The following DLC1 variants were observed in gnomAD, a reference collection of about 807,000 sequenced individuals.
DLC1 encodes DLC1 Rho GTPase activating protein, also known as rho GTPase-activating protein 7.
In DLC1, 54 loss-of-function variants were observed where a neutral mutation model predicts 140.3. That is an observed-to-expected ratio of 0.38 (90% CI 0.31 to 0.48). The LOEUF (loss-of-function observed/expected upper bound fraction) is 0.48, where lower values mean the gene tolerates loss of function less well. Ranked by LOEUF, DLC1 falls within the 20% of genes least tolerant of loss-of-function variation. DLC1 has a pLI of 0.96. For synonymous variants in DLC1, 986 were observed against 728.1 expected, an observed-to-expected ratio of 1.35 and a Z score of -5.70; for missense variants, 2,536 against 1,907.0, an observed-to-expected ratio of 1.33 and a Z score of -6.14.
chr8:13,392,151 A>G (rs918182412), intron 4 of DLC1, among the ~76,000 whole-genome samples: 2 of 152,188 alleles, frequency 1.3e-5, no homozygotes, highest in African/African-American at 4.8e-5. Context: ...ATCATTGTGC[A>G]GTATCTTTCT....
chr8:13,534,616 A>T lies in DLC1; in HGVS notation c.-125-34420T>A, dbSNP rs1015448606. Among the ~76,000 whole-genome samples the T allele has an allele frequency of 5.9e-5, 9 of 152,234 alleles. 1 individual carries two copies. The Middle Eastern group carries it at 0.014, about 230-fold the overall frequency. ...ACCCTAAGTGGAAGTTAAGGTACTG[A>T]TCTCTAGGAAAAGCGCCACTGCTCC... On this transcript the variant is annotated intron_variant, in intron 1 of 1. Transcript: ENST00000631382.
At chr8:13,494,236 C>T (rs972490885) in intron 2 of DLC1, among the ~76,000 whole-genome samples, 2 of 152,096 alleles carry the variant, frequency 1.3e-5, no homozygotes, top group South Asian at 4.1e-4. Context: ...GAGTGTATTC[C>T]TCAATATTTA....
chr8:13,276,644 C>T (rs1831184746), intron 5 of DLC1: 17 of 1,179,762 alleles, frequency 1.4e-5, no homozygotes, highest in South Asian at 3.6e-5. Flanking sequence ...GCGCGAGCTG[C>T]AGCACAGCTA....
At chr8:13,457,451 G>A (rs1036926287) in intron 2 of DLC1, among the ~76,000 whole-genome samples, 2 of 151,934 alleles carry the variant, frequency 1.3e-5, no homozygotes, top group Non-Finnish European at 2.9e-5. Flanking sequence ...GGCCGAGGCA[G>A]GCAGATCATG....
chr8:13,494,133 A>G (rs1043840233), intron 2 of DLC1, among the ~76,000 whole-genome samples: 20 of 152,290 alleles, frequency 1.3e-4, no homozygotes, highest in Admixed American at 3.3e-4. Flanking sequence ...AAATTAAAGC[A>G]CCTAGTGTTT....
chr8:13,586,646 T>G (rs959708180), intron 1 of DLC1, among the ~76,000 whole-genome samples: 6 of 143,852 alleles, frequency 4.2e-5, no homozygotes, highest in African/African-American at 1.5e-4. Context: ...AAATGAAACA[T>G]GTAAGAAATA....
rs181676589 is a variant in DLC1, at chr8:13,474,519, C to A, written c.1023+24530G>T. ...AGAAAAGGGCCACTGTCCTCCAGAC[C>A]CCAGAATGGTAGATCCACCCACAAC... On this transcript the variant is annotated intron_variant, in intron 2 of 17. Coordinates refer to ENST00000276297, the MANE Select transcript of DLC1 (RefSeq NM_182643.3). 2.6e-4 allele frequency among the ~76,000 whole-genome samples: 40 copies of A among 152,232 alleles called. No individual in the cohort carries two copies. In the East Asian group the frequency reaches 7.8e-3, roughly 30 times the overall value.
At chr8:13,236,558 A>G (rs1355569588) in intron 5 of DLC1, among the ~76,000 whole-genome samples, 5 of 152,118 alleles carry the variant, frequency 3.3e-5, no homozygotes, top group East Asian at 1.9e-4. Flanking sequence ...AAAAATAGCA[A>G]TGTATTTGAT....
chr8:13,544,902 A>G (rs936188531), intron 1 of DLC1, among the ~76,000 whole-genome samples: 3 of 152,154 alleles, frequency 2.0e-5, no homozygotes, highest in Non-Finnish European at 4.4e-5. Flanking sequence ...GTGAACAGTT[A>G]CCACTTAAGA....
intron 4 of DLC1, among the ~76,000 whole-genome samples, chr8:13,383,609 T>C (rs1181837594): frequency 6.6e-6 from 1 of 152,202 alleles, no homozygotes; most frequent in Non-Finnish European, 1.5e-5. Context: ...TTTATAAACA[T>C]GCCCTTGTTT....
At chr8:13,494,148 A>G (rs1801390302) in intron 2 of DLC1, among the ~76,000 whole-genome samples, 1 of 152,210 alleles carries the variant, frequency 6.6e-6, no homozygotes. Flanking sequence ...GTGTTTATAC[A>G]GAATACCACA....
At chr8:13,326,247 C>T (rs1394489571) in intron 4 of DLC1, among the ~76,000 whole-genome samples, 2 of 152,098 alleles carry the variant, frequency 1.3e-5, no homozygotes, top group African/African-American at 2.4e-5. Context: ...ATGCAAATTT[C>T]ACTAAATATT....
chr8:13,553,849 A>G (rs893313949), intron 1 of DLC1, among the ~76,000 whole-genome samples: 1 of 152,072 alleles, frequency 6.6e-6, no homozygotes. Flanking sequence ...CTTAGCCCTT[A>G]TCTTACTCGA....
In DLC1 at chr8:13,472,737, G is replaced by A. The variant is rs35130803; in HGVS notation, c.1023+26312C>T. 2.5e-3 allele frequency among the ~76,000 whole-genome samples: 387 copies of A among 152,308 alleles called. 1 individual carries two copies. The highest frequency in any genetic ancestry group is 6.3e-3 in the Admixed American group (96 of 15,306). ...CCTAGTAGGAGGGATTCCCCATTCAGAAGAAATGCAGGAATTGACTATCAA... is the reference window on the plus strand; with the variant it reads ...CCTAGTAGGAGGGATTCCCCATTCAAAAGAAATGCAGGAATTGACTATCAA... On this transcript the variant is annotated intron_variant, in intron 2 of 17. Coordinates refer to ENST00000276297, the MANE Select transcript of DLC1 (RefSeq NM_182643.3).
intron 1 of DLC1, among the ~76,000 whole-genome samples, chr8:13,509,906 T>A (rs936786139): frequency 6.6e-6 from 1 of 152,106 alleles, no homozygotes; most frequent in African/African-American, 2.4e-5. Context: ...GAGGGGAAAA[T>A]GATAATGAGT....
chr8:13,272,442 GCAAACAAA>G (rs536605053), intron 5 of DLC1, among the ~76,000 whole-genome samples: 1 of 151,910 alleles, frequency 6.6e-6, no homozygotes, highest in Non-Finnish European at 1.5e-5. Context: ...CTCTGTCTCA[GCAAACAAA>G]CAAACAAACA....
intron 5 of DLC1, among the ~76,000 whole-genome samples, chr8:13,186,054 G>A (rs549731194): frequency 5.6e-4 from 86 of 152,220 alleles, no homozygotes; most frequent in African/African-American, 2.0e-3. Flanking sequence ...TGGGCAACCC[G>A]ACCTTTCTCT....
chr8:13,103,142 C>A (rs1200642362), intron 7 of DLC1, among the ~76,000 whole-genome samples: 1 of 151,794 alleles, frequency 6.6e-6, no homozygotes, highest in African/African-American at 2.4e-5. Context: ...AACCCCGTCT[C>A]TACTAAAAAT....
chr8:13,507,256 G>A lies in DLC1; in HGVS notation c.-125-7060C>T, dbSNP rs568273980. On this transcript the variant is annotated intron_variant, in intron 1 of 17. Coordinates refer to ENST00000276297, the MANE Select transcript of DLC1 (RefSeq NM_182643.3). ...ATAAATGAAGAGGAATGCTCTTTAC[G>A]ACCAAACTGACTTGACATATGCTTA... is the stretch of plus-strand genomic sequence containing the variant. Among the ~76,000 whole-genome samples the A allele has an allele frequency of 1.1e-4, 17 of 152,294 alleles. No homozygotes were observed. The South Asian group carries it at 3.5e-3, about 32-fold the overall frequency.
Sources: allele counts gnomAD v4.1 joint callset (sites outside exome capture counted in the v4.1 genomes callset), GRCh38; gene constraint gnomAD v4.1.1; transcripts MANE v1.5; gene names NCBI Gene and HGNC (gene_info 2026-07-23, HGNC 2026-07-21).